Variants in RASGRP3 observed in about 807,000 individuals in gnomAD.
The protein encoded by RASGRP3 is ras guanyl-releasing protein 3.
Under a neutral mutation model 82.7 loss-of-function variants are expected in RASGRP3, and 54 were observed. The observed-to-expected ratio is 0.65, with a 90% CI of 0.52 to 0.82. The LOEUF (loss-of-function observed/expected upper bound fraction) is 0.82. Among genes scored for constraint, RASGRP3 ranks in the 40% least tolerant of loss-of-function variants. The probability of loss-of-function intolerance (pLI) is 0.00; values close to 1 mark genes in which losing one functional copy is unlikely to be tolerated. For synonymous variants in RASGRP3, 309 were observed against 300.5 expected (o/e 1.03, Z -0.29); for missense variants, 861 against 828.9 (o/e 1.04, Z -0.48).
intron 10 of RASGRP3, among the ~76,000 whole-genome samples, chr2:33,529,107 A>T (rs1168457486): frequency 6.6e-6 from 1 of 152,154 alleles, no homozygotes; most frequent in African/African-American, 2.4e-5. Context: ...AAAGATAATA[A>T]TGGGGTAGGG....
intron 1 of RASGRP3, among the ~76,000 whole-genome samples, chr2:33,499,488 G>T (rs1178133725): frequency 6.6e-6 from 1 of 152,112 alleles, no homozygotes; most frequent in East Asian, 1.9e-4. Flanking sequence ...AACCCAGGAG[G>T]TGGAGGTTGC....
At chr2:33,551,980 A>C (rs1051459220) in intron 14 of RASGRP3, among the ~76,000 whole-genome samples, 2 of 151,622 alleles carry the variant, frequency 1.3e-5, no homozygotes, top group African/African-American at 2.4e-5. Context: ...GCGACAGAGC[A>C]AGACTCCATC....
Position 33,457,500 on chromosome 2 carries a change from T to C in RASGRP3, c.-261+9557T>C, listed in dbSNP as rs12621938. ...TTACATCTTTTTCATGGCTACATGA[T>C]GTATACAGCTTTGAATGAATGCATT... On this transcript the variant is annotated intron_variant, in intron 2 of 18. Transcript: ENST00000402538. Among the ~76,000 whole-genome samples the C allele has an allele frequency of 9.3e-4, 141 of 152,128 alleles. 4 individuals carry two copies. The East Asian group carries it at 0.023, about 25-fold the overall frequency.
rs1326185466 is a variant in RASGRP3, at chr2:33,479,055, TACATTAAAAAATAAA to T, written c.-261+2350_-261+2364del. 2.0e-5 allele frequency among the ~76,000 whole-genome samples: 3 copies of T among 152,204 alleles called. No homozygotes were observed. The East Asian group carries it at 5.8e-4, about 29-fold the overall frequency. On this transcript the variant is annotated intron_variant, in intron 1 of 17. Transcript: ENST00000403687. ...CCTGGATCTGACTGTAGAACCTGTATACATTAAAAAATAAAAGTGGAATCCCACACATTTAAATGT... is the reference window on the plus strand; with the variant it reads ...CCTGGATCTGACTGTAGAACCTGTATAGTGGAATCCCACACATTTAAATGT...
chr2:33,511,168 T>C (rs1670889812), intron 1 of RASGRP3, among the ~76,000 whole-genome samples: 1 of 152,200 alleles, frequency 6.6e-6, no homozygotes, highest in Admixed American at 6.5e-5. Flanking sequence ...ATGTATATGC[T>C]GGAGAACAAT....
intron 2 of RASGRP3, among the ~76,000 whole-genome samples, chr2:33,464,901 C>G (rs1348223833): frequency 6.6e-6 from 1 of 152,174 alleles, no homozygotes; most frequent in Admixed American, 6.5e-5. Context: ...GGCCATTTCC[C>G]CACCTCTCTT....
At chr2:33,499,331 G>A (rs184060168) in intron 1 of RASGRP3, among the ~76,000 whole-genome samples, 1 of 152,280 alleles carries the variant, frequency 6.6e-6, no homozygotes. Flanking sequence ...ACCGAGGTGG[G>A]TGGATCGCCT....
At chr2:33,444,331 A>G (rs1024974307) in intron 1 of RASGRP3, among the ~76,000 whole-genome samples, 3 of 152,220 alleles carry the variant, frequency 2.0e-5, no homozygotes, top group Non-Finnish European at 2.9e-5. Context: ...AATATAGTTG[A>G]TTTAACCAAA....
chr2:33,523,295 C>G (rs983700621), intron 7 of RASGRP3, among the ~76,000 whole-genome samples: 1 of 151,964 alleles, frequency 6.6e-6, no homozygotes, highest in African/African-American at 2.4e-5. Flanking sequence ...AACCCCATCT[C>G]TACTAAAAAT....
At chr2:33,443,605 C>T (rs1181770054) in intron 1 of RASGRP3, among the ~76,000 whole-genome samples, 1 of 151,466 alleles carries the variant, frequency 6.6e-6, no homozygotes, top group Non-Finnish European at 1.5e-5. Flanking sequence ...CAGCACAGTC[C>T]TGTAGAAATA....
chr2:33,520,207 A>G (rs1310305747), intron 5 of RASGRP3, among the ~76,000 whole-genome samples, 193 bp downstream of exon 5: 1 of 152,202 alleles, frequency 6.6e-6, no homozygotes, highest in Non-Finnish European at 1.5e-5. Context: ...GAGATCAAGT[A>G]GTAGTAAATG....
At position 33,524,565 on chromosome 2, in the gene RASGRP3, C is replaced by A; in HGVS notation, c.807+17C>A. ...GTTACAAAGGTATAGTAGACTTGAT[C>A]CTAATCAAAAGTAAAAAAATGCATT... On this transcript the variant is annotated intron_variant, in intron 9 of 17. Coordinates refer to ENST00000403687, the MANE Select transcript of RASGRP3 (RefSeq NM_001139488.2). 6.6e-7 allele frequency: 1 copy of A among 1,520,586 alleles called. No individual in the cohort carries two copies. Among genetic ancestry groups the A allele is most frequent in the South Asian group, 1.2e-5 (1 of 81,600 alleles). The allele number at this position is 1,520,586 out of a possible 1,614,324, so 94.2% of individuals were successfully genotyped here.
At chr2:33,479,045 A>G (rs1020000833) in intron 1 of RASGRP3, among the ~76,000 whole-genome samples, 1 of 152,230 alleles carries the variant, frequency 6.6e-6, no homozygotes, top group Non-Finnish European at 1.5e-5. Flanking sequence ...ATCTGACTGT[A>G]GAACCTGTAT....
chr2:33,550,779 C>T (rs949354322), intron 14 of RASGRP3, among the ~76,000 whole-genome samples: 3 of 152,128 alleles, frequency 2.0e-5, no homozygotes, highest in African/African-American at 7.2e-5. Flanking sequence ...TTTCCCATCC[C>T]ATGCTCAAAG....
chr2:33,502,897 C>G (rs1348486672), intron 1 of RASGRP3, among the ~76,000 whole-genome samples: 1 of 152,100 alleles, frequency 6.6e-6, no homozygotes, highest in Non-Finnish European at 1.5e-5. Flanking sequence ...TCTCTAGATC[C>G]ACTAATGAGT....
intron 1 of RASGRP3, among the ~76,000 whole-genome samples, chr2:33,489,976 A>G (rs1194282035): frequency 6.6e-6 from 1 of 152,268 alleles, no homozygotes; most frequent in African/African-American, 2.4e-5. Flanking sequence ...AACTGAGGGC[A>G]TCAGAGCAGG....
chr2:33,509,202 ACCAGCCTGG>A (rs1413645080), intron 1 of RASGRP3, among the ~76,000 whole-genome samples: 4 of 152,074 alleles, frequency 2.6e-5, no homozygotes, highest in Non-Finnish European at 5.9e-5. Flanking sequence ...GGAGTTCGAG[ACCAGCCTGG>A]CCGACATGGG....
chr2:33,452,272 G>A (rs1665841167), intron 2 of RASGRP3, among the ~76,000 whole-genome samples: 1 of 152,104 alleles, frequency 6.6e-6, no homozygotes, highest in South Asian at 2.1e-4. Flanking sequence ...TGGTGGTGGT[G>A]TTTCCCTTAT....
intron 2 of RASGRP3, among the ~76,000 whole-genome samples, chr2:33,460,318 A>G (rs1032094846): frequency 3.3e-5 from 5 of 152,196 alleles, no homozygotes; most frequent in Non-Finnish European, 7.3e-5. Flanking sequence ...GTTGCATTTG[A>G]AAATAGAACC....
Sources: gnomAD v4.1 joint callset for allele counts (sites outside exome capture counted in the v4.1 genomes callset) on GRCh38, gnomAD v4.1.1 for gene constraint, MANE v1.5 for transcripts, NCBI Gene and HGNC (gene_info 2026-07-23, HGNC 2026-07-21) for gene names.